Variants in RYR1 observed in about 807,000 individuals in gnomAD.
RYR1 encodes the protein ryanodine receptor 1.
In RYR1, 342 loss-of-function variants were observed where a neutral mutation model predicts 583.5. The observed-to-expected ratio is 0.59, with a 90% CI of 0.54 to 0.64. The LOEUF is 0.64. Among genes scored for constraint, RYR1 ranks in the 30% least tolerant of loss-of-function variants. The probability of loss-of-function intolerance (pLI) is 0.00; values close to 1 mark genes in which losing one functional copy is unlikely to be tolerated. For missense variants in RYR1, 6,032 were observed against 6,917.2 expected, an observed-to-expected ratio of 0.87 and a Z score of 4.54; for synonymous variants, 2,791 against 2,822.5, an observed-to-expected ratio of 0.99 and a Z score of 0.35.
Position 38,507,970 on chromosome 19 carries a change from C to T in RYR1, c.8932+143C>T, listed in dbSNP as rs182330032. On this transcript the variant is annotated intron_variant, in intron 58 of 105. Transcript: ENST00000359596. ...TATTGAGCTTCTACTATGTGCCAGA[C>T]ACTGTTCTAGATGCTGGGGTACAGC... 2,161 of 664,750 alleles carry T rather than the reference C, an allele frequency of 3.3e-3. 33 individuals carry two copies. The highest frequency in any genetic ancestry group is 1.2e-3 in the Non-Finnish European group (432 of 357,186). 41.2% of individuals were successfully genotyped at this position (664,750 alleles called of 1,614,324 possible). A position where few individuals can be genotyped will look rare whatever the true frequency, so the allele number is the denominator to read the frequency against.
Position 38,565,647 on chromosome 19 carries a change from T to C in RYR1, c.13313T>C (p.Val4438Ala). 7.2e-7 allele frequency: 1 copy of C among 1,386,076 alleles called. No homozygotes were observed. The highest frequency in any genetic ancestry group is 9.3e-7 in the Non-Finnish European group (1 of 1,080,928). 85.9% of individuals were successfully genotyped at this position (1,386,076 alleles called of 1,614,324 possible). ...EAGPGGADGA[V>A]AVTDGGPFRP... ...GGGCCGGGCGGTGCCGACGGGGCGG[T>C]GGCCGTGACCGATGGGGGCCCCTTC... is the stretch of plus-strand genomic sequence containing the variant. Residue 4438 changes from valine to alanine, a missense_variant, in exon 91 of 106, where the codon GTG (valine) becomes GCG (alanine). Physicochemically the swap from Val to Ala is moderately conservative, Grantham distance 64. Around this residue, in one of 11 missense-constraint regions of RYR1, gnomAD observed 753 missense variants for 759.6 expected, o/e 0.99. Transcript: ENST00000359596. This position sits in a 1 kb window ranked among gnomAD's most constrained non-coding sequence, Gnocchi z 4.7.
chr19:38,451,207 G>A (rs77231591), intron 11 of RYR1, among the ~76,000 whole-genome samples: 131 of 152,338 alleles, frequency 8.6e-4, no homozygotes, highest in African/African-American at 2.7e-3. Flanking sequence ...GCGTAGAGAC[G>A]GGGCCTGGGC....
chr19:38,527,590 C>T (rs953112519), intron 72 of RYR1, 57 bp from the exon 73 acceptor site: 5 of 1,607,560 alleles, frequency 3.1e-6, no homozygotes, highest in African/African-American at 2.7e-5. Context: ...AGGGGACATC[C>T]GGCGGACACT....
intron 96 of RYR1, 131 bp downstream of exon 96, chr19:38,573,438 T>C: frequency 8.3e-7 from 1 of 1,209,052 alleles, no homozygotes; most frequent in Non-Finnish European, 1.1e-6. Flanking sequence ...TCCCGGCACT[T>C]TGGGAGGCTA....
rs1458324361 is a variant in RYR1 at position 38,575,913 on chromosome 19, C to T, written c.14130-6C>T. 1.2e-6 allele frequency: 2 copies of T among 1,614,008 alleles called. No homozygotes were observed. Among genetic ancestry groups the T allele is most frequent in the African/African-American group, 1.3e-5 (1 of 74,938 alleles). The stretch of plus-strand genomic sequence containing the variant: ...ATACTCACGCTTTCTCTCTCTCTCT[C>T]TGCAGGTCTTTCCCTAGCAACTACT... On this transcript the variant is annotated splice_region_variant and splice_polypyrimidine_tract_variant and intron_variant, in intron 96 of 105. Coordinates refer to ENST00000359596, the MANE Select transcript of RYR1 (RefSeq NM_000540.3).
At chr19:38,535,849 C>G in intron 81 of RYR1, 148 bp from the exon 82 acceptor site, 1 of 760,714 alleles carries the variant, frequency 1.3e-6, no homozygotes, top group South Asian at 1.5e-5. Context: ...CTTCTGCCAA[C>G]TCTTCATTTC....
chr19:38,497,468 G>C (rs1193561348), intron 42 of RYR1, among the ~76,000 whole-genome samples: 1 of 152,206 alleles, frequency 6.6e-6, no homozygotes, highest in Non-Finnish European at 1.5e-5. Flanking sequence ...TTGGATAAGT[G>C]ACTTAGACTC....
intron 101 of RYR1, 148 bp from the exon 102 acceptor site, chr19:38,584,795 T>G: frequency 3.3e-6 from 3 of 897,770 alleles, no homozygotes; most frequent in Non-Finnish European, 5.3e-6. Context: ...TTGGTCCCTG[T>G]CTGATGCCGT....
At chr19:38,582,443 C>T (rs1193195530) in intron 101 of RYR1, among the ~76,000 whole-genome samples, 1 of 151,064 alleles carries the variant, frequency 6.6e-6, no homozygotes, top group Admixed American at 6.6e-5. Flanking sequence ...CCTGGCACAT[C>T]CTCAGGATTA....
rs1354044963 is a variant in RYR1, at chr19:38,536,768, G to A, written c.11608+1G>A. On this transcript the variant is annotated splice_donor_variant, in intron 83 of 105. Transcript: ENST00000359596. LOFTEE classifies it high-confidence loss of function. The stretch of plus-strand genomic sequence containing the variant: ...GCCCCAGTCATCAATCGCCAGAACG[G>A]TAATTCCCCCAGCCCACCCCCGTGC... 6.2e-7 allele frequency: 1 copy of A among 1,613,668 alleles called. No individual in the cohort carries two copies. Among genetic ancestry groups the A allele is most frequent in the East Asian group, 2.2e-5 (1 of 44,836 alleles).
At chr19:38,454,299 CAA>C (rs1967249614) in intron 13 of RYR1, among the ~76,000 whole-genome samples, 1 of 152,258 alleles carries the variant, frequency 6.6e-6, no homozygotes, top group Non-Finnish European at 1.5e-5. Context: ...CTCCACCTCC[CAA>C]AGAGCTGGGA....
At chr19:38,481,666 G>A (rs1185784249) in intron 31 of RYR1, among the ~76,000 whole-genome samples, 1 of 152,210 alleles carries the variant, frequency 6.6e-6, no homozygotes, top group Non-Finnish European at 1.5e-5. Flanking sequence ...GGCACCTGCA[G>A]TTCCAGCTAC....
rs193922848 is a variant in RYR1, at chr19:38,561,185, A to T, written c.12355A>T (p.Asn4119Tyr). The change falls in exon 90 of 106, where the codon AAC becomes TAC. Residue 4119 changes from asparagine to tyrosine, a missense_variant. By Grantham distance (143) the Asn-to-Tyr change is moderately radical. Coordinates refer to ENST00000359596, the MANE Select transcript of RYR1 (RefSeq NM_000540.3). The surrounding 1 kb of genome is among the most constrained non-coding windows in gnomAD (Gnocchi z 4.8). ...FLLSCSEADE[N>Y]EMINCEEFAN... ...GCTTTCGTGCTCCGAAGCGGATGAG[A>T]ACGAAATGATCAACTGCGAAGAGTT... The T allele has an allele frequency of 4.3e-6, 7 of 1,614,050 alleles. No individual in the cohort carries two copies. The highest frequency in any genetic ancestry group is 2.7e-5 in the African/African-American group (2 of 74,930).
chr19:38,454,492 A>G (rs1252750367), intron 13 of RYR1, among the ~76,000 whole-genome samples: 1 of 152,236 alleles, frequency 6.6e-6, no homozygotes, highest in African/African-American at 2.4e-5. Flanking sequence ...GAGTTATAGT[A>G]CTGTTGGCTG....
intron 96 of RYR1, 151 bp from the exon 97 acceptor site, chr19:38,575,768 A>T: frequency 1.2e-6 from 1 of 800,584 alleles, no homozygotes. Flanking sequence ...ACACCACTGC[A>T]CTCCAGCCTG....
chr19:38,504,209 T>C lies in RYR1; in HGVS notation c.7927-11T>C, dbSNP rs757772679. 6.2e-7 allele frequency: 1 copy of C among 1,608,888 alleles called. No individual in the cohort carries two copies. Among genetic ancestry groups the C allele is most frequent in the Non-Finnish European group, 8.5e-7 (1 of 1,177,688 alleles). Reference sequence around the variant, plus strand: ...CCCTCATTTGTGTGTCCCCCTCTTGTTCCCACCCAGCTCCTCACCAACCAC... The same window carrying C: ...CCCTCATTTGTGTGTCCCCCTCTTGCTCCCACCCAGCTCCTCACCAACCAC... On this transcript the variant is annotated splice_polypyrimidine_tract_variant and intron_variant, in intron 49 of 105. Coordinates refer to ENST00000359596, the MANE Select transcript of RYR1 (RefSeq NM_000540.3).
intron 22 of RYR1, 69 bp downstream of exon 22, chr19:38,463,919 A>T (rs1967935945): frequency 8.7e-7 from 1 of 1,147,854 alleles, no homozygotes; most frequent in South Asian, 1.2e-5. Flanking sequence ...GCATGGAGAG[A>T]CAGGGCAGGA....
chr19:38,505,196 C>A, intron 52 of RYR1, 113 bp from the exon 53 acceptor site: 2 of 1,201,298 alleles, frequency 1.7e-6, no homozygotes, highest in South Asian at 2.5e-5. Context: ...TCCCTAAGAC[C>A]CTTAGCTTGT....
At position 38,573,264 on chromosome 19, in the gene RYR1, G is replaced by A. The variant is rs781575677; in HGVS notation, c.14086G>A (p.Asp4696Asn). The change falls in exon 96 of 106, where the codon GAT becomes AAT. Residue 4696 changes from aspartate (D) to asparagine (N), a missense_variant. Asp to Asn is a conservative substitution (Grantham distance 23, BLOSUM62 1). Transcript: ENST00000359596. The stretch of plus-strand genomic sequence containing the variant: ...GTACATCACGGAGCAGCCTGAGGAC[G>A]ATGACGTGAAGGGGCAGTGGGACCG... ...GLYITEQPED[D>N]DVKGQWDRLV... 16 of 1,613,868 alleles carry A rather than the reference G, an allele frequency of 9.9e-6. No individual in the cohort carries two copies. The highest frequency in any genetic ancestry group is 8.0e-5 in the African/African-American group (6 of 74,914).
Sources: gnomAD v4.1 joint callset for allele counts (sites outside exome capture counted in the v4.1 genomes callset) on GRCh38, gnomAD v4.1.1 for gene constraint, gnomAD v4.1.1 regional missense constraint, Gnocchi (gnomAD v3.1) non-coding constraint, MANE v1.5 for transcripts, NCBI Gene and HGNC (gene_info 2026-07-23, HGNC 2026-07-21) for gene names.